Variants in RELN observed in about 807,000 individuals in gnomAD.
RELN encodes the protein reelin.
In RELN, 108 loss-of-function variants were observed where a neutral mutation model predicts 427.6. The observed-to-expected ratio is 0.25, with a 90% CI of 0.22 to 0.30. The LOEUF (loss-of-function observed/expected upper bound fraction) is 0.30. RELN is among the 10% of genes least tolerant of loss of function. The pLI is 1.00. For missense variants in RELN, 3,715 were observed against 4,302.8 expected, an observed-to-expected ratio of 0.86 and a Z score of 3.82; for synonymous variants, 1,524 against 1,513.4, an observed-to-expected ratio of 1.01 and a Z score of -0.16.
chr7:103,791,762 G>A (rs1255952856), intron 3 of RELN, among the ~76,000 whole-genome samples: 1 of 128,304 alleles, frequency 7.8e-6, no homozygotes, highest in Non-Finnish European at 1.6e-5. Context: ...TGCAACAAAG[G>A]ATACCATTTA....
intron 7 of RELN, 70 bp downstream of exon 7, chr7:103,728,041 A>G: frequency 6.7e-7 from 1 of 1,482,538 alleles, no homozygotes; most frequent in Admixed American, 1.7e-5. Context: ...GAGCATAAGA[A>G]AAACTTTTGT....
At chr7:103,864,125 T>C (rs1024571446) in intron 2 of RELN, among the ~76,000 whole-genome samples, 2 of 152,140 alleles carry the variant, frequency 1.3e-5, no homozygotes, top group African/African-American at 4.8e-5. Context: ...CTCACATCAT[T>C]TACTTTTTAC....
At position 103,509,454 on chromosome 7, in the gene RELN, C is replaced by G. The variant is rs144978117; in HGVS notation, c.8274+1397G>C. Among the ~76,000 whole-genome samples, 58 of 152,150 alleles carry G rather than the reference C, an allele frequency of 3.8e-4. No individual in the cohort carries two copies. In the East Asian group the frequency reaches 0.011, roughly 29 times the overall value. On this transcript the variant is annotated intron_variant, in intron 51 of 64. Transcript: ENST00000428762. ...GTTGGGAAAACTGGCTAGCCATATG[C>G]AAAAAGCTGAATCTGGATCCCTTCC...
chr7:103,594,617 A>T (rs1831496257), intron 25 of RELN, 125 bp from the exon 26 acceptor site: 1 of 1,008,434 alleles, frequency 9.9e-7, no homozygotes, highest in Non-Finnish European at 1.5e-6. Flanking sequence ...AATATTTTCC[A>T]AAAGCCCGTA....
intron 5 of RELN, among the ~76,000 whole-genome samples, chr7:103,750,340 TGTGAAGAAGGAC>T (rs1485986413): frequency 1.1e-4 from 17 of 152,176 alleles, no homozygotes; most frequent in African/African-American, 4.1e-4. Context: ...GCTGCCACCA[TGTGAAGAAGGAC>T]GTGTTTGCTT....
At chr7:103,944,807 A>T (rs10237456) in intron 1 of RELN, among the ~76,000 whole-genome samples, 49,455 of 151,948 alleles carry the variant, frequency 0.33, 8,480 homozygotes, top group Non-Finnish European at 0.37. Flanking sequence ...AACCACTGAA[A>T]ATCCTGACAC....
At chr7:103,737,544 G>T (rs1353910404) in intron 6 of RELN, among the ~76,000 whole-genome samples, 1 of 152,118 alleles carries the variant, frequency 6.6e-6, no homozygotes, top group Non-Finnish European at 1.5e-5. Flanking sequence ...TCGTTTGTGG[G>T]CTAAGCTATT....
intron 63 of RELN, among the ~76,000 whole-genome samples, chr7:103,478,789 T>TA (rs908868079): frequency 3.3e-5 from 5 of 152,202 alleles, no homozygotes; most frequent in East Asian, 1.9e-4. Context: ...GAATGGGCTT[T>TA]AAAAAATACA....
At chr7:103,803,683 G>A (rs1031375481) in intron 3 of RELN, among the ~76,000 whole-genome samples, 1 of 152,026 alleles carries the variant, frequency 6.6e-6, no homozygotes, top group African/African-American at 2.4e-5. Context: ...GAACTTAGAG[G>A]CTTATACAGT....
intron 3 of RELN, among the ~76,000 whole-genome samples, chr7:103,828,032 C>T (rs1052004829): frequency 2.0e-5 from 3 of 152,016 alleles, no homozygotes; most frequent in African/African-American, 4.8e-5. Context: ...TTCCAATAAA[C>T]ACACCCATGG....
chr7:103,605,650 G>C (rs1426483039), intron 22 of RELN, among the ~76,000 whole-genome samples: 2 of 152,198 alleles, frequency 1.3e-5, no homozygotes, highest in African/African-American at 4.8e-5. Flanking sequence ...AAATTACTGT[G>C]TATGCTCAGT....
intron 3 of RELN, among the ~76,000 whole-genome samples, chr7:103,829,597 C>T (rs556654460): frequency 6.6e-6 from 1 of 151,978 alleles, no homozygotes; most frequent in South Asian, 2.1e-4. Context: ...GGTCATTTTT[C>T]TACATTTGTA....
At position 103,879,369 on chromosome 7, in the gene RELN, A is replaced by G. The variant is rs541050872; in HGVS notation, c.337+37706T>C. On this transcript the variant is annotated intron_variant, in intron 2 of 64. Transcript: ENST00000428762. ...CTTATGTTTTACAAGTCAGGCAGAG[A>G]TAACTGGAGTTATCAAGGGTAGAAA... Among the ~76,000 whole-genome samples the G allele has an allele frequency of 2.6e-5, 4 of 152,334 alleles. No individual in the cohort carries two copies. The East Asian group carries it at 5.8e-4, about 22-fold the overall frequency.
Position 103,611,650 on chromosome 7 carries a change from G to A in RELN, c.2856C>T (p.Tyr952=), listed in dbSNP as rs1562921907. ...PHMDNQVKLE[Y]STNHGLTWHL... is the part of the protein sequence containing the mutation. ...GCCAGGTAAGGCCGTGGTTGGTTGA[G>A]TACTCCAGCTTCACCTGGTTGTCCA... Residue 952 remains tyrosine (Y), a synonymous_variant, in exon 21 of 65, where the codon TAC becomes TAT. Coordinates refer to ENST00000428762, the MANE Select transcript of RELN (RefSeq NM_005045.4). The A allele has an allele frequency of 6.2e-7, 1 of 1,613,704 alleles. No individual in the cohort carries two copies. Among genetic ancestry groups the A allele is most frequent in the Non-Finnish European group, 8.5e-7 (1 of 1,179,904 alleles).
intron 2 of RELN, among the ~76,000 whole-genome samples, chr7:103,904,053 G>A (rs1332543322): frequency 1.3e-5 from 2 of 151,958 alleles, no homozygotes; most frequent in African/African-American, 4.8e-5. Context: ...CCCTCCCTGT[G>A]TCCATGTGTT....
intron 22 of RELN, among the ~76,000 whole-genome samples, chr7:103,606,223 G>A (rs1028865518): frequency 2.6e-5 from 4 of 152,184 alleles, no homozygotes; most frequent in African/African-American, 7.2e-5. Context: ...GCTCTTTGGG[G>A]ATAGGGATAT....
At chr7:103,937,082 G>C (rs550970854) in intron 1 of RELN, among the ~76,000 whole-genome samples, 1 of 152,200 alleles carries the variant, frequency 6.6e-6, no homozygotes, top group East Asian at 1.9e-4. Context: ...GTGAATGTGT[G>C]TATTTATTGT....
chr7:103,728,248 T>C, intron 6 of RELN, 41 bp from the exon 7 acceptor site: 1 of 1,580,278 alleles, frequency 6.3e-7, no homozygotes, highest in Non-Finnish European at 8.7e-7. Context: ...GAGAACTAAG[T>C]AGCACACGTG....
intron 2 of RELN, among the ~76,000 whole-genome samples, chr7:103,836,295 G>A (rs1463197327): frequency 6.6e-6 from 1 of 151,968 alleles, no homozygotes; most frequent in Non-Finnish European, 1.5e-5. Flanking sequence ...TGTCTAATAT[G>A]GTAGCTGCTA....
Sources: gnomAD v4.1 joint callset for allele counts (sites outside exome capture counted in the v4.1 genomes callset) on GRCh38, gnomAD v4.1.1 for gene constraint, MANE v1.5 for transcripts, NCBI Gene and HGNC (gene_info 2026-07-23, HGNC 2026-07-21) for gene names.